Variants in KTN1 observed in about 807,000 individuals in gnomAD.
KTN1 encodes the protein kinectin.
Under a neutral mutation model 222.5 loss-of-function variants are expected in KTN1, and 130 were observed. The ratio of observed to expected loss-of-function variants is 0.58; its 90% CI spans 0.51 to 0.68. The LOEUF (loss-of-function observed/expected upper bound fraction) is 0.68, where lower values mean the gene tolerates loss of function less well. KTN1 is among the 30% of genes least tolerant of loss of function. KTN1 has a pLI of 0.00. For synonymous variants in KTN1, 512 were observed against 496.3 expected, an observed-to-expected ratio of 1.03 and a Z score of -0.42; for missense variants, 1,508 against 1,500.4, an observed-to-expected ratio of 1.01 and a Z score of -0.08.
chr14:55,649,022 C>T, intron 21 of KTN1, 152 bp downstream of exon 21: 1 of 611,592 alleles, frequency 1.6e-6, no homozygotes, highest in Non-Finnish European at 2.9e-6. Context: ...AACTCCTGGG[C>T]TCAACCGATA....
At chr14:55,590,890 G>A (rs2033997445) in intron 1 of KTN1, among the ~76,000 whole-genome samples, 1 of 152,064 alleles carries the variant, frequency 6.6e-6, no homozygotes, top group South Asian at 2.1e-4. Context: ...TGGCAAGGCT[G>A]GTCTCGATCT....
intron 1 of KTN1, among the ~76,000 whole-genome samples, chr14:55,603,146 CT>C (rs1161248405): frequency 4.0e-5 from 6 of 151,814 alleles, no homozygotes; most frequent in African/African-American, 1.4e-4. Context: ...CATCATTGTT[CT>C]TTCCCTTTTT....
intron 1 of KTN1, among the ~76,000 whole-genome samples, chr14:55,603,141 T>G (rs2036224688): frequency 6.6e-6 from 1 of 152,042 alleles, no homozygotes; most frequent in African/African-American, 2.4e-5. Context: ...TCCTGCATCA[T>G]TGTTCTTTCC....
rs1485675452 is a variant in KTN1 at position 55,630,092 on chromosome 14, A to C, written c.1216A>C (p.Met406Leu). Residue 406 changes from methionine to leucine, a missense_variant, in exon 7 of 44, where the codon ATG becomes CTG. By Grantham distance (15) the Met-to-Leu change is conservative. Coordinates refer to ENST00000395314, the MANE Select transcript of KTN1 (RefSeq NM_001079521.2). ...TTATCAAGAGACTCAACAGATGCAGATGAAGGTATATTTTCATTCTTTGGA... is the reference window on the plus strand; with the variant it reads ...TTATCAAGAGACTCAACAGATGCAGCTGAAGGTATATTTTCATTCTTTGGA... ...VSYQETQQMQ[M>L]KFQQVREQME... 3.7e-6 allele frequency: 6 copies of C among 1,610,066 alleles called. No individual in the cohort carries two copies. The South Asian group carries it at 6.7e-5, about 18-fold the overall frequency.
intron 1 of KTN1, among the ~76,000 whole-genome samples, chr14:55,610,387 T>C (rs762022898): frequency 4.6e-5 from 7 of 152,206 alleles, no homozygotes; most frequent in Non-Finnish European, 8.8e-5. Flanking sequence ...AGTGTACCTG[T>C]GCAGTTCAAA....
chr14:55,637,738 A>G, intron 11 of KTN1, 41 bp from the exon 12 acceptor site: 2 of 1,434,006 alleles, frequency 1.4e-6, no homozygotes, highest in South Asian at 2.4e-5. Context: ...GGGGTTATTT[A>G]TTAGCATGCT....
At chr14:55,629,725 A>C (rs2040298812) in intron 6 of KTN1, among the ~76,000 whole-genome samples, 1 of 152,232 alleles carries the variant, frequency 6.6e-6, no homozygotes, top group African/African-American at 2.4e-5. Flanking sequence ...ATTTGAATTA[A>C]GAGTAAACAA....
At chr14:55,659,726 A>G (rs769965516) in intron 31 of KTN1, 23 bp downstream of exon 31, 11 of 1,327,444 alleles carry the variant, frequency 8.3e-6, no homozygotes, top group African/African-American at 4.3e-5. Context: ...TTTGAGTCAC[A>G]GTTTATAAAG....
At chr14:55,653,632 CA>C (rs1566807269) in intron 28 of KTN1, 36 bp downstream of exon 28, 1 of 1,495,712 alleles carries the variant, frequency 6.7e-7, no homozygotes, top group East Asian at 2.3e-5. Flanking sequence ...TGAAGAGAAA[CA>C]AACGTCTCAT....
intron 2 of KTN1, among the ~76,000 whole-genome samples, 184 bp downstream of exon 2, chr14:55,612,755 G>A (rs963816144): frequency 2.0e-5 from 3 of 151,992 alleles, no homozygotes; most frequent in Non-Finnish European, 4.4e-5. Context: ...TCATAAAATA[G>A]CACTTTAAAC....
chr14:55,618,770 C>T (rs1000063988), intron 4 of KTN1, among the ~76,000 whole-genome samples: 9 of 152,140 alleles, frequency 5.9e-5, no homozygotes, highest in African/African-American at 1.7e-4. Flanking sequence ...CTTATTTTCT[C>T]ATGTGTGGAA....
At chr14:55,594,072 C>T (rs2034616633) in intron 1 of KTN1, among the ~76,000 whole-genome samples, 1 of 152,094 alleles carries the variant, frequency 6.6e-6, no homozygotes, top group Non-Finnish European at 1.5e-5. Context: ...TGAGTTTAGC[C>T]ATATCTTTTA....
chr14:55,642,362 T>G (rs1730699363), intron 18 of KTN1, among the ~76,000 whole-genome samples: 1 of 152,210 alleles, frequency 6.6e-6, no homozygotes, highest in African/African-American at 2.4e-5. Context: ...CCATCACTAT[T>G]CATTTTATAT....
intron 37 of KTN1, 174 bp downstream of exon 37, chr14:55,672,051 C>A: frequency 1.8e-6 from 1 of 544,850 alleles, no homozygotes; most frequent in South Asian, 2.8e-5. Flanking sequence ...AGTCTAATGC[C>A]CACCCAAGTT....
intron 1 of KTN1, among the ~76,000 whole-genome samples, chr14:55,608,444 T>G (rs1344875573): frequency 2.0e-5 from 3 of 152,244 alleles, no homozygotes; most frequent in African/African-American, 4.8e-5. Context: ...CTTGCATACA[T>G]AAAATGTTTT....
At position 55,630,198 on chromosome 14, in the gene KTN1, A is replaced by G. The variant is rs1566750169; in HGVS notation, c.1221+101A>G. 2.9e-6 allele frequency: 3 copies of G among 1,023,344 alleles called. No individual in the cohort carries two copies. In the East Asian group the frequency reaches 7.3e-5, roughly 25 times the overall value. 63.4% of individuals were successfully genotyped at this position (1,023,344 alleles called of 1,614,324 possible). The stretch of plus-strand genomic sequence containing the variant: ...GTACAAGGCCCTTTCTTGGGCCATC[A>G]ACATACAGTGGCTAGTGAAGTTCAC... On this transcript the variant is annotated intron_variant, in intron 7 of 43. Transcript: ENST00000395314.
In KTN1 at chr14:55,656,044, T is replaced by G; in HGVS notation, c.2804T>G (p.Leu935Trp). The change falls in exon 29 of 44, where the codon TTG (leucine) becomes TGG (tryptophan). Residue 935 changes from leucine (L) to tryptophan (W), a missense_variant and splice_region_variant. By Grantham distance (61) the Leu-to-Trp change is moderately conservative. Transcript: ENST00000395314. ...CAGATCTTTGTAAAAAATTCTAGGT[T>G]GAAAGAAAAGGAAAATGAATTGAAG... Reference protein sequence around the residue: ...ASQFEELEIVLKEKENELKRL... With the variant: ...ASQFEELEIVWKEKENELKRL... 1 of 1,592,466 alleles carries G rather than the reference T, an allele frequency of 6.3e-7. No individual in the cohort carries two copies. The highest frequency in any genetic ancestry group is 8.6e-7 in the Non-Finnish European group (1 of 1,166,972).
At chr14:55,682,932 T>TTGGA (rs2046496838) in intron 43 of KTN1, 2 of 152,300 alleles carry the variant, frequency 1.3e-5, no homozygotes, top group African/African-American at 4.8e-5. Context: ...ATATTTGGTT[T>TTGGA]GTCAGTAGCG....
intron 3 of KTN1, 63 bp downstream of exon 3, chr14:55,616,717 C>T: frequency 7.3e-7 from 1 of 1,365,656 alleles, no homozygotes; most frequent in Non-Finnish European, 1.0e-6. Flanking sequence ...AGCACAAGGA[C>T]CCTGGAATCT....
Sources: allele counts gnomAD v4.1 joint callset (sites outside exome capture counted in the v4.1 genomes callset), GRCh38; gene constraint gnomAD v4.1.1; transcripts MANE v1.5; gene names NCBI Gene and HGNC (gene_info 2026-07-23, HGNC 2026-07-21).